Variants in ARHGAP21 observed in about 807,000 individuals in gnomAD.
ARHGAP21 encodes rho GTPase-activating protein 21.
Under a neutral mutation model 164.6 loss-of-function variants are expected in ARHGAP21, and 38 were observed. The ratio of observed to expected loss-of-function variants is 0.23; its 90% CI spans 0.18 to 0.30. The LOEUF (loss-of-function observed/expected upper bound fraction) is 0.30. Among genes scored for constraint, ARHGAP21 ranks in the 10% least tolerant of loss-of-function variants. The pLI, the probability that ARHGAP21 is intolerant of heterozygous loss-of-function variation, is 1.00. For missense variants in ARHGAP21, 1,822 were observed against 2,370.7 expected (o/e 0.77, Z 4.81); for synonymous variants, 766 against 857.9 (o/e 0.89, Z 1.87).
In ARHGAP21 at chr10:24,607,492, G is replaced by C; in HGVS notation, c.2684+7C>G. On this transcript the variant is annotated splice_region_variant and intron_variant, in intron 11 of 25. Transcript: ENST00000396432. ...CAAATATTTAAAATAATACACCCGA[G>C]ACTTACAATTTTGCATCTTCTCTGT... 1.2e-6 allele frequency: 2 copies of C among 1,609,262 alleles called. No homozygotes were observed. The highest frequency in any genetic ancestry group is 1.7e-6 in the Non-Finnish European group (2 of 1,177,114).
intron 17 of ARHGAP21, 39 bp downstream of exon 17, chr10:24,596,701 T>TGAGG: frequency 6.2e-7 from 1 of 1,612,796 alleles, no homozygotes; most frequent in African/African-American, 1.3e-5. Context: ...AAAACTGAAT[T>TGAGG]AATGACTTGA....
intron 2 of ARHGAP21, among the ~76,000 whole-genome samples, chr10:24,693,737 TCTC>T (rs1346481466): frequency 6.6e-6 from 1 of 152,012 alleles, no homozygotes; most frequent in Non-Finnish European, 1.5e-5. Flanking sequence ...GCCACACAAA[TCTC>T]CTGGCTGCGT....
chr10:24,684,595 ATAAC>A (rs879893168), intron 2 of ARHGAP21, among the ~76,000 whole-genome samples: 5 of 152,216 alleles, frequency 3.3e-5, no homozygotes, highest in Non-Finnish European at 7.3e-5. Flanking sequence ...TGACTGTTGA[ATAAC>A]TGAGCAAACT....
At chr10:24,706,538 T>G (rs1844244034) in intron 2 of ARHGAP21, 1 of 152,642 alleles carries the variant, frequency 6.6e-6, no homozygotes, top group Non-Finnish European at 1.5e-5. Context: ...CAATACAGAT[T>G]GCACAACAAA....
Position 24,584,243 on chromosome 10 carries a change from T to G in ARHGAP21, c.*169A>C. 2 of 514,134 alleles carry G rather than the reference T, an allele frequency of 3.9e-6. No individual in the cohort carries two copies. The highest frequency in any genetic ancestry group is 6.5e-6 in the Non-Finnish European group (2 of 305,762). The allele number at this position is 514,134 out of a possible 1,614,324, so 31.8% of individuals were successfully genotyped here. A position where few individuals can be genotyped will look rare whatever the true frequency, so the allele number is the denominator to read the frequency against. ...TTAAATATATATATATATATATATG[T>G]TCTTCTGGCTGTAGTAATGCACTGT... On this transcript the variant is annotated 3_prime_UTR_variant, in exon 26 of 26. Coordinates refer to ENST00000396432, the MANE Select transcript of ARHGAP21 (RefSeq NM_020824.4).
At chr10:24,640,457 T>C (rs539814959) in intron 4 of ARHGAP21, among the ~76,000 whole-genome samples, 4 of 152,172 alleles carry the variant, frequency 2.6e-5, no homozygotes, top group Admixed American at 2.6e-4. Context: ...TTTTTTCCAT[T>C]GGTTTCTTTG....
intron 3 of ARHGAP21, among the ~76,000 whole-genome samples, chr10:24,669,349 A>G (rs1840482560): frequency 6.6e-6 from 1 of 152,216 alleles, no homozygotes; most frequent in Admixed American, 6.5e-5. Flanking sequence ...GATATTTAGA[A>G]TTAGAAAAGA....
chr10:24,721,977 G>A lies in ARHGAP21; in HGVS notation c.-78C>T, dbSNP rs1223650523. ...TGGCGGGGAATGCCACCACACACCC[G>A]AAGGGGAAGAATTCCACAAGCAGGC... On this transcript the variant is annotated 5_prime_UTR_variant, in exon 2 of 26. Coordinates refer to ENST00000396432, the MANE Select transcript of ARHGAP21 (RefSeq NM_020824.4). The A allele has an allele frequency of 4.1e-6, 6 of 1,457,588 alleles. No homozygotes were observed. The highest frequency in any genetic ancestry group is 1.8e-5 in the Admixed American group (1 of 56,126). 90.3% of individuals were successfully genotyped at this position (1,457,588 alleles called of 1,614,324 possible).
At chr10:24,625,865 G>A (rs1244490546) in intron 7 of ARHGAP21, among the ~76,000 whole-genome samples, 1 of 152,174 alleles carries the variant, frequency 6.6e-6, no homozygotes, top group African/African-American at 2.4e-5. Flanking sequence ...GAACCCAGAG[G>A]TTCACGTTGT....
rs150542780 is a variant in ARHGAP21 at position 24,615,929 on chromosome 10, C to T, written c.2422+3544G>A. ...AGCTGGGCTCACAGGCACCCCACCA[C>T]GCCCAGCTAATATTTTTGTATTTTT... is the stretch of plus-strand genomic sequence containing the variant. On this transcript the variant is annotated intron_variant, in intron 9 of 25. Coordinates refer to ENST00000396432, the MANE Select transcript of ARHGAP21 (RefSeq NM_020824.4). 1.2e-3 allele frequency among the ~76,000 whole-genome samples: 188 copies of T among 152,210 alleles called. 2 individuals carry two copies. The highest frequency in any genetic ancestry group is 4.2e-3 in the African/African-American group (174 of 41,540).
In ARHGAP21 at chr10:24,620,915, G is replaced by C; in HGVS notation, c.980C>G (p.Thr327Ser). ...TTSPPLSIPT[T>S]HLIHQPAGSR... Reference sequence around the variant, plus strand: ...GCCTGCAGGCTGATGAATTAGATGAGTGGTGGGAATTGATAATGGTGGTGA... The same window carrying C: ...GCCTGCAGGCTGATGAATTAGATGACTGGTGGGAATTGATAATGGTGGTGA... The change falls in exon 9 of 26, where the codon ACT becomes AGT. Residue 327 changes from threonine to serine, a missense_variant. By Grantham distance (58) the Thr-to-Ser change is moderately conservative. Coordinates refer to ENST00000396432, the MANE Select transcript of ARHGAP21 (RefSeq NM_020824.4). 1.2e-6 allele frequency: 2 copies of C among 1,613,928 alleles called. No homozygotes were observed. Among genetic ancestry groups the C allele is most frequent in the Non-Finnish European group, 8.5e-7 (1 of 1,179,872 alleles).
intron 2 of ARHGAP21, among the ~76,000 whole-genome samples, chr10:24,705,231 GC>G (rs2132167283): frequency 6.6e-6 from 1 of 152,182 alleles, no homozygotes; most frequent in African/African-American, 2.4e-5. Context: ...GCTTCGTTAG[GC>G]TCCTGGTATT....
intron 2 of ARHGAP21, among the ~76,000 whole-genome samples, chr10:24,700,820 G>T (rs943666019): frequency 1.3e-5 from 2 of 152,116 alleles, no homozygotes; most frequent in Non-Finnish European, 1.5e-5. Flanking sequence ...GCCATTGAAG[G>T]CAGAGCTTTA....
intron 9 of ARHGAP21, among the ~76,000 whole-genome samples, chr10:24,611,653 G>A (rs1472447205): frequency 1.3e-5 from 2 of 151,706 alleles, no homozygotes; most frequent in South Asian, 2.1e-4. Context: ...GCAGTGAAGC[G>A]AGATTGCGCC....
At chr10:24,646,619 GA>G (rs1021101810) in intron 4 of ARHGAP21, among the ~76,000 whole-genome samples, 31 of 151,972 alleles carry the variant, frequency 2.0e-4, no homozygotes, top group Non-Finnish European at 2.2e-4. Flanking sequence ...ATTTAAGGGG[GA>G]AAAAAATGGC....
intron 4 of ARHGAP21, among the ~76,000 whole-genome samples, chr10:24,645,960 C>A (rs1191351334): frequency 6.6e-6 from 1 of 152,124 alleles, no homozygotes; most frequent in Non-Finnish European, 1.5e-5. Context: ...GACATGTGCA[C>A]AGCTATCTGA....
Position 24,608,648 on chromosome 10 carries a change from C to G in ARHGAP21, c.2423-745G>C, listed in dbSNP as rs144921648. Among the ~76,000 whole-genome samples the G allele has an allele frequency of 1.5e-3, 232 of 152,250 alleles. 5 individuals are homozygous for G. In the East Asian group the frequency reaches 0.038, roughly 25 times the overall value. ...TAATTTTGATTAAATTCTAAGGATG[C>G]TGTACCATATTATCAGGATTTTAAT... On this transcript the variant is annotated intron_variant, in intron 9 of 25. Coordinates refer to ENST00000396432, the MANE Select transcript of ARHGAP21 (RefSeq NM_020824.4).
At chr10:24,658,830 C>T (rs1839373189) in intron 4 of ARHGAP21, among the ~76,000 whole-genome samples, 1 of 151,524 alleles carries the variant, frequency 6.6e-6, no homozygotes, top group Admixed American at 6.6e-5. Context: ...AAAAAAAATA[C>T]TTATACCTCA....
intron 14 of ARHGAP21, among the ~76,000 whole-genome samples, 189 bp from the exon 15 acceptor site, chr10:24,598,198 A>T (rs1321904391): frequency 1.3e-5 from 2 of 152,082 alleles, no homozygotes; most frequent in African/African-American, 4.8e-5. Context: ...GCCTCCCAAC[A>T]TTGCCAAAGG....
Sources: allele counts gnomAD v4.1 joint callset (sites outside exome capture counted in the v4.1 genomes callset), GRCh38; gene constraint gnomAD v4.1.1; transcripts MANE v1.5; gene names NCBI Gene and HGNC (gene_info 2026-07-23, HGNC 2026-07-21).